FNDC1: variants seen among roughly 807,000 people sequenced by gnomAD.
FNDC1 encodes the protein fibronectin type III domain containing 1.
A neutral mutation model predicts 168.0 loss-of-function variants in FNDC1; 96 were observed. The ratio of observed to expected loss-of-function variants is 0.57; its 90% CI spans 0.48 to 0.68. The LOEUF is 0.68. Among genes scored for constraint, FNDC1 ranks in the 30% least tolerant of loss-of-function variants. The pLI, the probability that FNDC1 is intolerant of heterozygous loss-of-function variation, is 0.00. For synonymous variants in FNDC1, 1,099 were observed against 1,025.9 expected (o/e 1.07, Z -1.36); for missense variants, 2,587 against 2,482.1 (o/e 1.04, Z -0.90).
At position 159,251,512 on chromosome 6, in the gene FNDC1, C is replaced by T. The variant is rs754129274; in HGVS notation, c.5045C>T (p.Thr1682Ile). The T allele has an allele frequency of 2.6e-5, 42 of 1,613,574 alleles. No individual in the cohort carries two copies. Among genetic ancestry groups the T allele is most frequent in the Non-Finnish European group, 3.4e-5 (40 of 1,179,750 alleles). Residue 1682 changes from threonine to isoleucine, a missense_variant, in exon 17 of 23, where the codon ACC (threonine) becomes ATC (isoleucine). Physicochemically the swap from Thr to Ile is moderately conservative, Grantham distance 89. Transcript: ENST00000297267. Reference sequence around the variant, plus strand: ...GTCATTGTGGACTGGGACAAAGCCACCCCAGGAGATGTGGTCACAGGTGTG... The same window carrying T: ...GTCATTGTGGACTGGGACAAAGCCATCCCAGGAGATGTGGTCACAGGTGTG... ...SFVIVDWDKA[T>I]PGDVVTGYLV...
chr6:159,235,365 T>G (rs1025943670), intron 11 of FNDC1, among the ~76,000 whole-genome samples: 1 of 152,136 alleles, frequency 6.6e-6, no homozygotes, highest in Admixed American at 6.5e-5. Context: ...TTTAGCCCAA[T>G]GTAAAGACAT....
At chr6:159,247,745 A>G (rs1264672833) in intron 15 of FNDC1, among the ~76,000 whole-genome samples, 2 of 152,160 alleles carry the variant, frequency 1.3e-5, no homozygotes, top group Non-Finnish European at 2.9e-5. Flanking sequence ...TTTCAAACAA[A>G]AAAAACACTT....
intron 19 of FNDC1, 129 bp downstream of exon 19, chr6:159,261,398 C>T: frequency 1.6e-6 from 1 of 621,376 alleles, no homozygotes; most frequent in East Asian, 2.9e-5. Flanking sequence ...ATATCAGTTT[C>T]TAAAGTAAAC....
chr6:159,204,090 C>T (rs946475364), intron 4 of FNDC1, among the ~76,000 whole-genome samples: 1 of 152,162 alleles, frequency 6.6e-6, no homozygotes, highest in African/African-American at 2.4e-5. Flanking sequence ...GTTCGCGACG[C>T]TTGCTCATTT....
chr6:159,260,237 CT>C (rs1777455847), intron 18 of FNDC1, among the ~76,000 whole-genome samples: 1 of 152,198 alleles, frequency 6.6e-6, no homozygotes, highest in Non-Finnish European at 1.5e-5. Flanking sequence ...CATAAAATAT[CT>C]AGAATCAAGA....
chr6:159,240,612 C>T (rs1783397653), intron 14 of FNDC1, among the ~76,000 whole-genome samples: 1 of 152,166 alleles, frequency 6.6e-6, no homozygotes, highest in Admixed American at 6.5e-5. Context: ...ATTTTCCCTT[C>T]TCTGCTGATC....
intron 10 of FNDC1, among the ~76,000 whole-genome samples, chr6:159,230,376 T>C (rs929864676): frequency 3.3e-5 from 5 of 152,140 alleles, no homozygotes; most frequent in Non-Finnish European, 7.4e-5. Flanking sequence ...AATGTTTAGT[T>C]TGCAAAAGCA....
At chr6:159,265,386 A>C (rs1293907144) in intron 20 of FNDC1, among the ~76,000 whole-genome samples, 1 of 152,208 alleles carries the variant, frequency 6.6e-6, no homozygotes, top group African/African-American at 2.4e-5. Context: ...CTTGACTGCA[A>C]ATCAGGTCTT....
intron 1 of FNDC1, among the ~76,000 whole-genome samples, chr6:159,181,699 T>A (rs1781882795): frequency 6.6e-6 from 1 of 152,184 alleles, no homozygotes; most frequent in African/African-American, 2.4e-5. Context: ...CACTTTGGTG[T>A]TGACTCAATC....
chr6:159,215,128 G>T lies in FNDC1; in HGVS notation c.644G>T (p.Arg215Leu). The T allele has an allele frequency of 1.9e-6, 3 of 1,613,698 alleles. No individual in the cohort carries two copies. The highest frequency in any genetic ancestry group is 2.5e-6 in the Non-Finnish European group (3 of 1,179,614). Reference sequence around the variant, plus strand: ...TATGTTCCACTGACAAGAGATGAACGGACACACGAAATTAAAAAGCTAGGT... The same window carrying T: ...TATGTTCCACTGACAAGAGATGAACTGACACACGAAATTAAAAAGCTAGGT... ...MNYVPLTRDE[R>L]THEIKKLASE... The change falls in exon 5 of 23, where the codon CGG becomes CTG. Residue 215 changes from arginine (R) to leucine (L), a missense_variant. Transcript: ENST00000297267.
chr6:159,203,552 C>T (rs1283929380), intron 4 of FNDC1, among the ~76,000 whole-genome samples: 1 of 152,180 alleles, frequency 6.6e-6, no homozygotes, highest in African/African-American at 2.4e-5. Context: ...AGTTTTGGCT[C>T]CTCTTGTGTT....
chr6:159,207,521 G>A (rs957097869), intron 4 of FNDC1, among the ~76,000 whole-genome samples: 3 of 152,208 alleles, frequency 2.0e-5, no homozygotes, highest in Admixed American at 6.5e-5. Context: ...CTGGATGTCT[G>A]TGAGAAAAAG....
intron 1 of FNDC1, among the ~76,000 whole-genome samples, chr6:159,176,232 G>C (rs980749123): frequency 8.5e-5 from 13 of 152,202 alleles, no homozygotes; most frequent in Admixed American, 2.6e-4. Context: ...GGGCCCCCCA[G>C]CTCTAACTTT....
Position 159,214,953 on chromosome 6 carries a change from G to A in FNDC1, c.469G>A (p.Val157Met), listed in dbSNP as rs1293723782. The A allele has an allele frequency of 2.5e-6, 4 of 1,613,792 alleles. No individual in the cohort carries two copies. The highest frequency in any genetic ancestry group is 3.4e-6 in the Non-Finnish European group (4 of 1,179,794). Residue 157 changes from valine to methionine, a missense_variant, in exon 5 of 23, where the codon GTG becomes ATG. Val to Met is a conservative substitution (Grantham distance 21, BLOSUM62 1). Transcript: ENST00000297267. ...PFNETVTEKE[V>M]PNKPLRVRVR... The stretch of plus-strand genomic sequence containing the variant: ...GTCCTGCCCTCTTTAAGAAAAGGAA[G>A]TGCCCAACAAGCCCTTGCGTGTGCG...
chr6:159,249,982 T>C (rs1156350410), intron 16 of FNDC1, among the ~76,000 whole-genome samples: 1 of 152,180 alleles, frequency 6.6e-6, no homozygotes, highest in African/African-American at 2.4e-5. Flanking sequence ...TGAGGTGGCG[T>C]TCCTGAGGCA....
intron 22 of FNDC1, among the ~76,000 whole-genome samples, chr6:159,269,706 G>T (rs1417891930): frequency 8.5e-5 from 13 of 152,240 alleles, no homozygotes; most frequent in Non-Finnish European, 1.0e-4. Context: ...TCCAAAATCT[G>T]CAGGGTAGGT....
intron 10 of FNDC1, 105 bp from the exon 11 acceptor site, chr6:159,231,777 A>G: frequency 4.7e-6 from 4 of 852,934 alleles, no homozygotes; most frequent in Non-Finnish European, 3.6e-6. Context: ...CATTATGACT[A>G]CTGATTTGAA....
intron 1 of FNDC1, among the ~76,000 whole-genome samples, chr6:159,174,285 T>C (rs1226497845): frequency 6.6e-6 from 1 of 152,256 alleles, no homozygotes; most frequent in African/African-American, 2.4e-5. Flanking sequence ...CTTTTGTAGA[T>C]GTATGTTAGA....
In FNDC1 at chr6:159,232,216, G is replaced by T. The variant is rs1299264460; in HGVS notation, c.1704G>T (p.Pro568=). The T allele has an allele frequency of 2.5e-6, 4 of 1,612,686 alleles. No individual in the cohort carries two copies. Among genetic ancestry groups the T allele is most frequent in the Non-Finnish European group, 8.5e-7 (1 of 1,179,410 alleles). Residue 568 remains proline, a synonymous_variant, in exon 11 of 23, where the codon CCG becomes CCT. Transcript: ENST00000297267. The surrounding 1 kb of genome is among the most constrained non-coding windows in gnomAD (Gnocchi z 4.9). ...AAGACCAGAAACGGACCCTGAGGCC[G>T]CCAAGTAGACACGGCCACTCGGTGG... ...DTQDQKRTLR[P]PSRHGHSVVA...
Sources: gnomAD v4.1 joint callset for allele counts (sites outside exome capture counted in the v4.1 genomes callset) on GRCh38, gnomAD v4.1.1 for gene constraint, Gnocchi (gnomAD v3.1) non-coding constraint, MANE v1.5 for transcripts, NCBI Gene and HGNC (gene_info 2026-07-23, HGNC 2026-07-21) for gene names.